PRKCA: variants seen among roughly 807,000 people sequenced by gnomAD.
PRKCA encodes the protein protein kinase C alpha type.
In PRKCA, 27 loss-of-function variants were observed where a neutral mutation model predicts 87.0. That is an observed-to-expected ratio of 0.31 (90% CI 0.23 to 0.43). The LOEUF (loss-of-function observed/expected upper bound fraction) is 0.43, where lower values mean the gene tolerates loss of function less well. Ranked by LOEUF, PRKCA falls within the 20% of genes least tolerant of loss-of-function variation. The pLI is 1.00. For synonymous variants in PRKCA, 329 were observed against 311.1 expected (o/e 1.06, Z -0.61); for missense variants, 518 against 852.3 (o/e 0.61, Z 4.88).
intron 3 of PRKCA, among the ~76,000 whole-genome samples, chr17:66,612,805 T>C (rs72845947): frequency 0.046 from 7,044 of 152,220 alleles, 216 homozygotes; most frequent in Admixed American, 0.071. Context: ...TTGTGAATTT[T>C]TCCAGGGGAA....
chr17:66,674,975 A>G (rs981492243), intron 5 of PRKCA, among the ~76,000 whole-genome samples: 1 of 152,192 alleles, frequency 6.6e-6, no homozygotes, highest in African/African-American at 2.4e-5. Flanking sequence ...AAGATATGCC[A>G]CCACCATCAT....
intron 2 of PRKCA, among the ~76,000 whole-genome samples, chr17:66,402,672 A>G (rs969436516): frequency 6.6e-6 from 1 of 152,120 alleles, no homozygotes; most frequent in Admixed American, 6.6e-5. Flanking sequence ...CACCAGCAAT[A>G]AGAGAGCCCA....
chr17:66,754,989 G>A (rs748972388), intron 13 of PRKCA, among the ~76,000 whole-genome samples: 5 of 152,100 alleles, frequency 3.3e-5, no homozygotes, highest in South Asian at 2.1e-4. Flanking sequence ...ATTTGGCGGC[G>A]GGGGATGCAA....
intron 5 of PRKCA, among the ~76,000 whole-genome samples, chr17:66,682,147 C>T (rs1972510791): frequency 6.6e-6 from 1 of 152,190 alleles, no homozygotes; most frequent in Non-Finnish European, 1.5e-5. Context: ...GGTTCCCGAG[C>T]CACCTGCATC....
intron 8 of PRKCA, among the ~76,000 whole-genome samples, chr17:66,704,532 C>T (rs1231778153): frequency 6.6e-6 from 1 of 152,156 alleles, no homozygotes; most frequent in Non-Finnish European, 1.5e-5. Context: ...AAGTCTCATG[C>T]AGAGAAATAT....
chr17:66,658,697 G>A (rs1414399111), intron 5 of PRKCA, among the ~76,000 whole-genome samples: 2 of 152,158 alleles, frequency 1.3e-5, no homozygotes, highest in Admixed American at 1.3e-4. Context: ...TGTTGAATAC[G>A]TATTAGGGGT....
At chr17:66,629,222 G>C (rs893968894) in intron 3 of PRKCA, among the ~76,000 whole-genome samples, 1 of 152,162 alleles carries the variant, frequency 6.6e-6, no homozygotes, top group Non-Finnish European at 1.5e-5. Flanking sequence ...GTGTTTAATA[G>C]ATGAACAAAT....
At chr17:66,396,970 T>TG (rs1258568608) in intron 2 of PRKCA, among the ~76,000 whole-genome samples, 1 of 128,812 alleles carries the variant, frequency 7.8e-6, no homozygotes, top group African/African-American at 3.0e-5. Flanking sequence ...TTTTTTTTTT[T>TG]TTTTTTTTTT....
At chr17:66,667,367 T>C (rs1972069336) in intron 5 of PRKCA, among the ~76,000 whole-genome samples, 1 of 152,204 alleles carries the variant, frequency 6.6e-6, no homozygotes, top group African/African-American at 2.4e-5. Context: ...AAAGGTTTAA[T>C]TGGCTCAGAG....
intron 2 of PRKCA, among the ~76,000 whole-genome samples, chr17:66,480,857 C>A (rs772878160): frequency 1.3e-5 from 2 of 151,950 alleles, no homozygotes; most frequent in Non-Finnish European, 2.9e-5. Flanking sequence ...TTCCTACTTT[C>A]CTTCAGTGAA....
At chr17:66,592,435 A>G (rs1395034431) in intron 3 of PRKCA, among the ~76,000 whole-genome samples, 1 of 152,196 alleles carries the variant, frequency 6.6e-6, no homozygotes, top group Non-Finnish European at 1.5e-5. Context: ...AAAAATAGAA[A>G]AAGAAAGGAA....
rs575940618 is a variant in PRKCA at position 66,447,463 on chromosome 17, C to A, written c.206-48738C>A. 3.0e-4 allele frequency among the ~76,000 whole-genome samples: 45 copies of A among 152,272 alleles called. No homozygotes were observed. In the South Asian group the frequency reaches 9.3e-3, roughly 32 times the overall value. On this transcript the variant is annotated intron_variant, in intron 2 of 16. Coordinates refer to ENST00000413366, the MANE Select transcript of PRKCA (RefSeq NM_002737.3). ...CGGGGCCTTAGTGCTTTCTGAGTAG[C>A]CACCTTGGACCATCGGTTCAGTAAT...
rs1971136322 is a variant in PRKCA, at chr17:66,635,731, T to C, written c.289-5624T>C. Among the ~76,000 whole-genome samples the C allele has an allele frequency of 2.0e-5, 3 of 152,184 alleles. No homozygotes were observed. In the South Asian group the frequency reaches 6.2e-4, roughly 31 times the overall value. On this transcript the variant is annotated intron_variant, in intron 3 of 16. Transcript: ENST00000413366. ...CAGTAAACAGTATATTTAATACATA[T>C]GTAGTACAGTAAATGCTCTTGCATT...
At chr17:66,756,419 C>A (rs1385367264) in intron 13 of PRKCA, among the ~76,000 whole-genome samples, 1 of 152,100 alleles carries the variant, frequency 6.6e-6, no homozygotes, top group Non-Finnish European at 1.5e-5. Flanking sequence ...AAGACAGAGA[C>A]CTCATCGTCG....
intron 2 of PRKCA, among the ~76,000 whole-genome samples, chr17:66,346,562 A>G (rs1249932301): frequency 6.6e-6 from 1 of 152,094 alleles, no homozygotes; most frequent in African/African-American, 2.4e-5. Context: ...GGATTTTAGT[A>G]TGAAAACTAC....
At chr17:66,567,934 A>G (rs1424894708) in intron 3 of PRKCA, among the ~76,000 whole-genome samples, 1 of 152,228 alleles carries the variant, frequency 6.6e-6, no homozygotes, top group Non-Finnish European at 1.5e-5. Context: ...CAATATTTCT[A>G]TGTGTTTCCT....
intron 3 of PRKCA, among the ~76,000 whole-genome samples, chr17:66,610,008 GCAT>G (rs1279192454): frequency 6.6e-6 from 1 of 152,032 alleles, no homozygotes; most frequent in East Asian, 1.9e-4. Flanking sequence ...CCTGGAGATA[GCAT>G]CAGGTCCGAC....
chr17:66,547,046 A>C, intron 3 of PRKCA, among the ~76,000 whole-genome samples: 1 of 151,832 alleles, frequency 6.6e-6, no homozygotes, highest in East Asian at 1.9e-4. Context: ...GCTCCTTGTT[A>C]TTTCTTGCCT....
intron 3 of PRKCA, among the ~76,000 whole-genome samples, chr17:66,577,171 T>C (rs1224510644): frequency 2.0e-5 from 3 of 152,110 alleles, no homozygotes; most frequent in Non-Finnish European, 4.4e-5. Flanking sequence ...TGCCTGGCCC[T>C]GTGATGCACT....
Sources: allele counts gnomAD v4.1 joint callset (sites outside exome capture counted in the v4.1 genomes callset), GRCh38; gene constraint gnomAD v4.1.1; transcripts MANE v1.5; gene names NCBI Gene and HGNC (gene_info 2026-07-23, HGNC 2026-07-21).